The following KNTC1 variants were observed in gnomAD, a reference collection of about 807,000 sequenced individuals.
The protein encoded by KNTC1 is kinetochore-associated protein 1.
Under a neutral mutation model 314.4 loss-of-function variants are expected in KNTC1, and 253 were observed. That is an observed-to-expected ratio of 0.80 (90% CI 0.73 to 0.89). KNTC1 has a LOEUF of 0.89. Ranked by LOEUF, KNTC1 falls within the 40% of genes least tolerant of loss-of-function variation. KNTC1 has a pLI of 0.00. For synonymous variants in KNTC1, 901 were observed against 901.4 expected (o/e 1.00, Z 0.01); for missense variants, 2,475 against 2,572.9 (o/e 0.96, Z 0.82).
chr12:122,608,064 T>C (rs1800236292), intron 51 of KNTC1, among the ~76,000 whole-genome samples: 1 of 152,172 alleles, frequency 6.6e-6, no homozygotes, highest in African/African-American at 2.4e-5. Flanking sequence ...CAGATATTCT[T>C]GGGGGAACAA....
chr12:122,597,219 C>T (rs1871175573), intron 43 of KNTC1: 1 of 153,148 alleles, frequency 6.5e-6, no homozygotes, highest in Non-Finnish European at 1.4e-5. Context: ...ACAGTTTACA[C>T]ACCCACCAGG....
intron 52 of KNTC1, 85 bp downstream of exon 52, chr12:122,609,515 T>C (rs1872895188): frequency 7.0e-6 from 6 of 860,260 alleles, no homozygotes; most frequent in Non-Finnish European, 1.1e-5. Context: ...GTTGATTTTT[T>C]TAAAGGGCTT....
chr12:122,601,089 T>G (rs1480317656), intron 44 of KNTC1, among the ~76,000 whole-genome samples: 1 of 152,098 alleles, frequency 6.6e-6, no homozygotes, highest in East Asian at 1.9e-4. Context: ...TTTATTTTTA[T>G]TATTTATTTT....
chr12:122,621,740 A>C lies in KNTC1; in HGVS notation c.6280-141A>C. On this transcript the variant is annotated intron_variant, in intron 60 of 63. Transcript: ENST00000333479. ...CCCTCTTTTCATCATTCATACACTC[A>C]TTCCTTGATGTCGTTCAGTGTTTCA... 1.0e-5 allele frequency: 6 copies of C among 593,850 alleles called. No individual in the cohort carries two copies. The South Asian group carries it at 1.2e-4, about 12-fold the overall frequency. The allele number at this position is 593,850 out of a possible 1,614,324, so 36.8% of individuals were successfully genotyped here. A position where few individuals can be genotyped will look rare whatever the true frequency, so the allele number is the denominator to read the frequency against.
At chr12:122,606,773 A>G (rs2138134999) in intron 51 of KNTC1, among the ~76,000 whole-genome samples, 2 of 152,120 alleles carry the variant, frequency 1.3e-5, no homozygotes, top group Admixed American at 1.3e-4. Context: ...TCTCCTCTAT[A>G]ATTGATACTC....
Position 122,626,381 on chromosome 12 carries a change from A to G in KNTC1, c.*153A>G, listed in dbSNP as rs1346541992. The G allele has an allele frequency of 1.6e-6, 1 of 611,140 alleles. No individual in the cohort carries two copies. Among genetic ancestry groups the G allele is most frequent in the African/African-American group, 1.9e-5 (1 of 54,002 alleles). 37.9% of individuals were successfully genotyped at this position (611,140 alleles called of 1,614,324 possible). A position where few individuals can be genotyped will look rare whatever the true frequency, so the allele number is the denominator to read the frequency against. Reference sequence around the variant, plus strand: ...TAATAAATAAAACAATATGAGCATAATTGCCCCATAAAGAACTCATGTCCT... The same window carrying G: ...TAATAAATAAAACAATATGAGCATAGTTGCCCCATAAAGAACTCATGTCCT... On this transcript the variant is annotated 3_prime_UTR_variant, in exon 64 of 64. Transcript: ENST00000333479.
chr12:122,601,240 G>A (rs12297176), intron 44 of KNTC1, among the ~76,000 whole-genome samples: 5,195 of 151,682 alleles, frequency 0.034, 309 homozygotes, highest in African/African-American at 0.12. Context: ...CCACCACCAC[G>A]CCCAGCTAAT....
intron 12 of KNTC1, among the ~76,000 whole-genome samples, chr12:122,549,338 G>T (rs148078009): frequency 0.011 from 1,616 of 150,630 alleles, 29 homozygotes; most frequent in African/African-American, 0.038. Context: ...ATGTGTTTTT[G>T]GTTTTTTGTT....
chr12:122,615,554 T>C, intron 57 of KNTC1, 28 bp downstream of exon 57: 1 of 1,492,414 alleles, frequency 6.7e-7, no homozygotes, highest in Non-Finnish European at 9.0e-7. Context: ...ATAAATTTTA[T>C]TGAATTTAGT....
chr12:122,539,355 A>G (rs1426959873), intron 4 of KNTC1, among the ~76,000 whole-genome samples: 1 of 152,100 alleles, frequency 6.6e-6, no homozygotes, highest in African/African-American at 2.4e-5. Context: ...TGTTTTTTTG[A>G]AAAATTAAGC....
intron 12 of KNTC1, among the ~76,000 whole-genome samples, chr12:122,548,283 A>T (rs1962936577): frequency 6.6e-6 from 1 of 152,046 alleles, no homozygotes; most frequent in South Asian, 2.1e-4. Flanking sequence ...ATCTCGGCTC[A>T]CTGCAACCCC....
At chr12:122,536,412 A>G (rs1961838248) in intron 3 of KNTC1, among the ~76,000 whole-genome samples, 1 of 150,700 alleles carries the variant, frequency 6.6e-6, no homozygotes, top group Non-Finnish European at 1.5e-5. Flanking sequence ...TTGTATTTTT[A>G]GAAGAAACAG....
In KNTC1 at chr12:122,603,190, A is replaced by T. The variant is rs770283547; in HGVS notation, c.5048A>T (p.Asn1683Ile). Residue 1683 changes from asparagine to isoleucine, a missense_variant, in exon 48 of 64, where the codon AAC becomes ATC. By Grantham distance (149) the Asn-to-Ile change is moderately radical. Coordinates refer to ENST00000333479, the MANE Select transcript of KNTC1 (RefSeq NM_014708.6). ...TIESCLLSIV[N>I]PEWAVAIAIS... Reference sequence around the variant, plus strand: ...GAATCCTGCTTACTCTCTATAGTCAACCCAGAGTGGGCTGTAGCTATTGCC... The same window carrying T: ...GAATCCTGCTTACTCTCTATAGTCATCCCAGAGTGGGCTGTAGCTATTGCC... The T allele has an allele frequency of 7.4e-6, 12 of 1,613,422 alleles. No homozygotes were observed. Among genetic ancestry groups the T allele is most frequent in the Non-Finnish European group, 9.3e-6 (11 of 1,179,750 alleles).
intron 41 of KNTC1, 65 bp from the exon 42 acceptor site, chr12:122,591,272 C>A: frequency 1.2e-6 from 1 of 834,752 alleles, no homozygotes; most frequent in Admixed American, 1.8e-5. Flanking sequence ...TGCGTTTCGT[C>A]TAAAAGGTGT....
At chr12:122,614,253 C>T (rs1441929088) in intron 55 of KNTC1, among the ~76,000 whole-genome samples, 1 of 152,178 alleles carries the variant, frequency 6.6e-6, no homozygotes, top group Non-Finnish European at 1.5e-5. Context: ...TTAAAGTCCA[C>T]CAGCTAAAGT....
intron 60 of KNTC1, among the ~76,000 whole-genome samples, chr12:122,620,913 T>C (rs1354382679): frequency 6.6e-6 from 1 of 152,344 alleles, no homozygotes; most frequent in Non-Finnish European, 1.5e-5. Flanking sequence ...CATTAACCCA[T>C]GTAGGCTTGG....
At chr12:122,596,529 C>CT (rs201294236) in intron 43 of KNTC1, among the ~76,000 whole-genome samples, 2 of 148,716 alleles carry the variant, frequency 1.3e-5, no homozygotes, top group East Asian at 2.0e-4. Context: ...TTTTTTTTAT[C>CT]TTTAAAAAAA....
chr12:122,585,532 T>G, intron 36 of KNTC1, 104 bp from the exon 37 acceptor site: 1 of 1,271,388 alleles, frequency 7.9e-7, no homozygotes, highest in Non-Finnish European at 1.1e-6. Context: ...GTCCTTCTGT[T>G]AGAGTTTAAC....
chr12:122,557,247 C>G, intron 16 of KNTC1, 137 bp from the exon 17 acceptor site: 4 of 764,766 alleles, frequency 5.2e-6, no homozygotes, highest in Non-Finnish European at 8.3e-6. Context: ...ATGTTACTTT[C>G]TTTAAATCTC....
Sources: allele counts gnomAD v4.1 joint callset (sites outside exome capture counted in the v4.1 genomes callset), GRCh38; gene constraint gnomAD v4.1.1; transcripts MANE v1.5; gene names NCBI Gene and HGNC (gene_info 2026-07-23, HGNC 2026-07-21).